Variants in C6orf89 observed in about 807,000 individuals in gnomAD.
C6orf89 encodes chromosome 6 open reading frame 89.
In C6orf89, 29 loss-of-function variants were observed where a neutral mutation model predicts 40.7. That is an observed-to-expected ratio of 0.71 (90% CI 0.53 to 0.97). The LOEUF (loss-of-function observed/expected upper bound fraction) is 0.97, where lower values mean the gene tolerates loss of function less well. Among genes scored for constraint, C6orf89 ranks in the 50% least tolerant of loss-of-function variants. The probability of loss-of-function intolerance (pLI) is 0.00; values close to 1 mark genes in which losing one functional copy is unlikely to be tolerated. For missense variants in C6orf89, 392 were observed against 429.1 expected (o/e 0.91, Z 0.76); for synonymous variants, 165 against 152.2 (o/e 1.08, Z -0.62).
chr6:36,883,435 TCTA>T (rs1774877938), upstream of C6orf89: 1 of 152,210 alleles, frequency 6.6e-6, no homozygotes, highest in African/African-American at 2.4e-5. Context: ...GATCAAAACT[TCTA>T]CTATCACAAG....
In C6orf89 at chr6:36,899,751, T is replaced by C. The variant is rs1761593166; in HGVS notation, c.189+118T>C. The C allele has an allele frequency of 5.0e-6, 5 of 1,009,780 alleles. No homozygotes were observed. The Admixed American group carries it at 1.1e-4, about 23-fold the overall frequency. 62.6% of individuals were successfully genotyped at this position (1,009,780 alleles called of 1,614,324 possible). A position where few individuals can be genotyped will look rare whatever the true frequency, so the allele number is the denominator to read the frequency against. On this transcript the variant is annotated intron_variant, in intron 3 of 8. Transcript: ENST00000480824. ...AGCATTGGTTTTTCCGTGAATAAATTGGCCTTTGCTCTTGTTACCATGTGT... is the reference window on the plus strand; with the variant it reads ...AGCATTGGTTTTTCCGTGAATAAATCGGCCTTTGCTCTTGTTACCATGTGT...
chr6:36,909,643 A>G lies in C6orf89; in HGVS notation c.404-4641A>G, dbSNP rs1390121772. ...AAAAAATACAAAAAATTAGCCATAT[A>G]TGGTGGTGCACACCTGTAGTCCCAG... On this transcript the variant is annotated intron_variant, in intron 4 of 8. Coordinates refer to ENST00000480824, the MANE Select transcript of C6orf89 (RefSeq NM_001286635.2). Among the ~76,000 whole-genome samples the G allele has an allele frequency of 2.6e-5, 4 of 152,096 alleles. No homozygotes were observed. The East Asian group carries it at 5.8e-4, about 22-fold the overall frequency.
At chr6:36,876,006 T>A (rs184379864) in intron 1 of C6orf89, among the ~76,000 whole-genome samples, 5 of 152,238 alleles carry the variant, frequency 3.3e-5, no homozygotes, top group Non-Finnish European at 1.5e-5. Flanking sequence ...CTTTGCTGAA[T>A]GAATAATGAA....
At position 36,916,553 on chromosome 6, in the gene C6orf89, A is replaced by T. The variant is rs748113353; in HGVS notation, c.804A>T (p.Pro268=). The change falls in exon 7 of 9, where the codon CCA becomes CCT. Residue 268 remains proline, a synonymous_variant. Coordinates refer to ENST00000480824, the MANE Select transcript of C6orf89 (RefSeq NM_001286635.2). ...ASLNKCSFLH[P]EPVVGSKMHK... ...TAAACAAGTGCTCCTTTCTTCACCC[A>T]GAACCTGTTGTGGGGAGTAAGGTAG... is the stretch of plus-strand genomic sequence containing the variant. 7.4e-6 allele frequency: 12 copies of T among 1,614,226 alleles called. No individual in the cohort carries two copies. In the South Asian group the frequency reaches 1.1e-4, roughly 15 times the overall value.
At position 36,899,690 on chromosome 6, in the gene C6orf89, C is replaced by G; in HGVS notation, c.189+57C>G. ...AACAGAACACAAACTGTTCAACATTCTTCACAAATGCTATTGTTGACTAAT... is the reference window on the plus strand; with the variant it reads ...AACAGAACACAAACTGTTCAACATTGTTCACAAATGCTATTGTTGACTAAT... On this transcript the variant is annotated intron_variant, in intron 3 of 8. Coordinates refer to ENST00000480824, the MANE Select transcript of C6orf89 (RefSeq NM_001286635.2). 2.6e-6 allele frequency: 4 copies of G among 1,522,960 alleles called. No individual in the cohort carries two copies. The East Asian group carries it at 6.9e-5, about 26-fold the overall frequency. The allele number at this position is 1,522,960 out of a possible 1,614,324, so 94.3% of individuals were successfully genotyped here.
Position 36,924,011 on chromosome 6 carries a change from T to G in C6orf89, c.*570T>G. 1 of 179,864 alleles carries G rather than the reference T, an allele frequency of 5.6e-6. No homozygotes were observed. The highest frequency in any genetic ancestry group is 1.2e-5 in the Non-Finnish European group (1 of 83,310). 11.1% of individuals were successfully genotyped at this position (179,864 alleles called of 1,614,324 possible). A position where few individuals can be genotyped will look rare whatever the true frequency, so the allele number is the denominator to read the frequency against. The stretch of plus-strand genomic sequence containing the variant: ...ATTGCATTCAAGAAGTACACTTCTT[T>G]CCCATTGTCCGTGGCTCTTGGAGTC... On this transcript the variant is annotated 3_prime_UTR_variant, in exon 9 of 9. Coordinates refer to ENST00000480824, the MANE Select transcript of C6orf89 (RefSeq NM_001286635.2).
chr6:36,893,790 G>A (rs1161164616), intron 1 of C6orf89, among the ~76,000 whole-genome samples: 1 of 152,128 alleles, frequency 6.6e-6, no homozygotes, highest in Non-Finnish European at 1.5e-5. Context: ...AATTAGCTGG[G>A]TATGGTGGCA....
At chr6:36,871,925 G>A in exon 1 of C6orf89, 2 of 1,458,354 alleles carry the variant, frequency 1.4e-6, no homozygotes, top group Non-Finnish European at 9.1e-7. Flanking sequence ...AGGGCAGACA[G>A]GAGTATTATG....
chr6:36,921,285 G>C (rs1490998511), intron 8 of C6orf89, among the ~76,000 whole-genome samples: 1 of 152,106 alleles, frequency 6.6e-6, no homozygotes, highest in Non-Finnish European at 1.5e-5. Flanking sequence ...AGACATGATG[G>C]CTGTCACTGC....
chr6:36,891,730 AAAG>A (rs1311214155), intron 1 of C6orf89, among the ~76,000 whole-genome samples: 1 of 152,250 alleles, frequency 6.6e-6, no homozygotes, highest in Non-Finnish European at 1.5e-5. Flanking sequence ...AGTAGAGAAA[AAAG>A]AAAATTTAAT....
chr6:36,917,297 TG>T (rs1401739318), intron 7 of C6orf89, among the ~76,000 whole-genome samples: 1 of 152,136 alleles, frequency 6.6e-6, no homozygotes, highest in African/African-American at 2.4e-5. Flanking sequence ...GCAGCCCAGC[TG>T]GGGTAGAAAA....
chr6:36,907,055 T>C (rs1421055571), intron 4 of C6orf89, among the ~76,000 whole-genome samples: 1 of 152,146 alleles, frequency 6.6e-6, no homozygotes, highest in Non-Finnish European at 1.5e-5. Context: ...CCTCCCTCCT[T>C]CTTTTCCTCC....
Position 36,909,511 on chromosome 6 carries a change from G to A in C6orf89, c.404-4773G>A, listed in dbSNP as rs138290715. Among the ~76,000 whole-genome samples the A allele has an allele frequency of 5.9e-3, 897 of 151,992 alleles. 7 individuals are homozygous for A. Among genetic ancestry groups the A allele is most frequent in the African/African-American group, 0.021 (855 of 41,456 alleles). On this transcript the variant is annotated intron_variant, in intron 4 of 8. Coordinates refer to ENST00000480824, the MANE Select transcript of C6orf89 (RefSeq NM_001286635.2). ...TGCATGTCTTTTCAAATGGTTTATA[G>A]GCCATTTATATTTATAATACTTTTC...
intron 1 of C6orf89, among the ~76,000 whole-genome samples, chr6:36,887,524 G>C (rs2150676643): frequency 6.6e-6 from 1 of 152,292 alleles, no homozygotes; most frequent in East Asian, 1.9e-4. Context: ...CAAAAACTGA[G>C]GTCAGAGTCT....
At position 36,914,364 on chromosome 6, in the gene C6orf89, A is replaced by G; in HGVS notation, c.484A>G (p.Lys162Glu). 6.2e-7 allele frequency: 1 copy of G among 1,614,212 alleles called. No homozygotes were observed. The highest frequency in any genetic ancestry group is 8.5e-7 in the Non-Finnish European group (1 of 1,180,042). The change falls in exon 5 of 9, where the codon AAA becomes GAA. Residue 162 changes from lysine to glutamate, a missense_variant. Lys to Glu is a moderately conservative substitution (Grantham distance 56, BLOSUM62 1). Coordinates refer to ENST00000480824, the MANE Select transcript of C6orf89 (RefSeq NM_001286635.2). Reference protein sequence around the residue: ...IPANCTGCAQKHLKVMLLEDA... With the variant: ...IPANCTGCAQEHLKVMLLEDA... Reference sequence around the variant, plus strand: ...TGCCAACTGCACTGGCTGTGCCCAGAAACACCTGAAGGTGATGCTCCTGGA... The same window carrying G: ...TGCCAACTGCACTGGCTGTGCCCAGGAACACCTGAAGGTGATGCTCCTGGA...
intron 4 of C6orf89, among the ~76,000 whole-genome samples, chr6:36,913,475 G>A (rs562449021): frequency 2.0e-5 from 3 of 152,316 alleles, no homozygotes; most frequent in East Asian, 3.9e-4. Flanking sequence ...TGGCTCCCAT[G>A]TGTACTTGTG....
chr6:36,916,146 A>G (rs745837334), intron 6 of C6orf89, among the ~76,000 whole-genome samples: 2 of 152,064 alleles, frequency 1.3e-5, no homozygotes, highest in Non-Finnish European at 2.9e-5. Context: ...AGTCTTTTCC[A>G]AGATAGAATG....
chr6:36,917,042 T>C lies in C6orf89; in HGVS notation c.825+468T>C, dbSNP rs1042109881. ...GCCTGGGCAATATAGGGAGACCCTA[T>C]CTCTATTTTTTCAAAAAAAGAAAAG... On this transcript the variant is annotated intron_variant, in intron 7 of 8. Transcript: ENST00000480824. Among the ~76,000 whole-genome samples, 3 of 151,968 alleles carry C rather than the reference T, an allele frequency of 2.0e-5. No homozygotes were observed. In the East Asian group the frequency reaches 5.8e-4, roughly 29 times the overall value.
At chr6:36,875,921 A>G (rs889709008) in intron 1 of C6orf89, among the ~76,000 whole-genome samples, 3 of 152,282 alleles carry the variant, frequency 2.0e-5, no homozygotes, top group South Asian at 4.1e-4. Context: ...TAAACTAGAC[A>G]GCTCCTTGAG....
Sources: allele counts gnomAD v4.1 joint callset (sites outside exome capture counted in the v4.1 genomes callset), GRCh38; gene constraint gnomAD v4.1.1; transcripts MANE v1.5; gene names NCBI Gene and HGNC (gene_info 2026-07-23, HGNC 2026-07-21).